The following FRMD4A variants were observed in gnomAD, a reference collection of about 807,000 sequenced individuals.
The protein encoded by FRMD4A is FERM domain-containing protein 4A.
In FRMD4A, 29 loss-of-function variants were observed where a neutral mutation model predicts 129.1. The observed-to-expected ratio is 0.22, with a 90% CI of 0.17 to 0.31. The LOEUF (loss-of-function observed/expected upper bound fraction) is 0.31, where lower values mean the gene tolerates loss of function less well. Among genes scored for constraint, FRMD4A ranks in the 10% least tolerant of loss-of-function variants. The pLI, the probability that FRMD4A is intolerant of heterozygous loss-of-function variation, is 1.00. For synonymous variants in FRMD4A, 634 were observed against 571.6 expected, an observed-to-expected ratio of 1.11 and a Z score of -1.56; for missense variants, 1,272 against 1,375.8, an observed-to-expected ratio of 0.92 and a Z score of 1.19.
chr10:14,032,588 T>C (rs985812511), intron 2 of FRMD4A, among the ~76,000 whole-genome samples: 12 of 152,208 alleles, frequency 7.9e-5, no homozygotes, highest in African/African-American at 2.9e-4. Context: ...GCCTGGGAAC[T>C]ACGTTGCCAC....
intron 2 of FRMD4A, among the ~76,000 whole-genome samples, chr10:14,118,703 A>G (rs1464225308): frequency 6.6e-6 from 1 of 152,144 alleles, no homozygotes; most frequent in African/African-American, 2.4e-5. Context: ...TGTGCAGGGG[A>G]ACTCCCATTT....
At chr10:13,659,867 C>A (rs79288462) in intron 20 of FRMD4A, among the ~76,000 whole-genome samples, 20 of 151,272 alleles carry the variant, frequency 1.3e-4, no homozygotes, top group South Asian at 2.1e-4. Flanking sequence ...CCTTCCCCCC[C>A]AAAAAAAACC....
intron 2 of FRMD4A, among the ~76,000 whole-genome samples, chr10:14,138,987 G>C (rs1179531456): frequency 2.6e-5 from 4 of 152,126 alleles, no homozygotes; most frequent in Non-Finnish European, 4.4e-5. Context: ...GGGACCTCTG[G>C]ACCTCCAAGT....
chr10:14,288,818 CTCTGTT>C (rs1845763160), intron 2 of FRMD4A, among the ~76,000 whole-genome samples: 1 of 152,146 alleles, frequency 6.6e-6, no homozygotes, highest in Non-Finnish European at 1.5e-5. Flanking sequence ...ACCTTCTACT[CTCTGTT>C]TCTATGAGTT....
chr10:13,702,824 C>G (rs1023212183), intron 13 of FRMD4A, among the ~76,000 whole-genome samples: 2 of 151,350 alleles, frequency 1.3e-5, no homozygotes, highest in African/African-American at 4.9e-5. Flanking sequence ...CTTGTTCACC[C>G]TCACTTTTAA....
At chr10:13,680,528 C>T (rs556126717) in intron 15 of FRMD4A, among the ~76,000 whole-genome samples, 3 of 152,026 alleles carry the variant, frequency 2.0e-5, no homozygotes, top group Non-Finnish European at 2.9e-5. Context: ...ATTTTGAGAC[C>T]AGCCTGGCCA....
intron 15 of FRMD4A, chr10:13,684,659 G>A (rs2084915075): frequency 1.0e-6 from 1 of 985,258 alleles, no homozygotes; most frequent in African/African-American, 1.7e-5. Flanking sequence ...ATTCTGCCAG[G>A]AGGACGTTGT....
chr10:13,954,920 T>G (rs2095399854), intron 2 of FRMD4A, among the ~76,000 whole-genome samples: 1 of 152,156 alleles, frequency 6.6e-6, no homozygotes, highest in Non-Finnish European at 1.5e-5. Flanking sequence ...TATCGGCACA[T>G]TATCTTTAAA....
chr10:13,648,110 C>G (rs1168315746), intron 24 of FRMD4A: 3 of 152,228 alleles, frequency 2.0e-5, no homozygotes, highest in African/African-American at 7.2e-5. Flanking sequence ...GTAAATGTTT[C>G]TCATCTGGCC....
intron 2 of FRMD4A, among the ~76,000 whole-genome samples, chr10:13,864,676 T>C (rs2094341695): frequency 6.6e-6 from 1 of 150,898 alleles, no homozygotes; most frequent in African/African-American, 2.4e-5. Flanking sequence ...CCTGAGTTCA[T>C]GCGATTCTCC....
chr10:13,958,530 G>A (rs1433943668), intron 2 of FRMD4A, among the ~76,000 whole-genome samples: 8 of 151,574 alleles, frequency 5.3e-5, no homozygotes, highest in African/African-American at 1.7e-4. Flanking sequence ...TGATCCGCCC[G>A]CCTCGGCCTC....
intron 3 of FRMD4A, among the ~76,000 whole-genome samples, chr10:13,837,773 T>A (rs1444595120): frequency 1.3e-5 from 2 of 152,198 alleles, no homozygotes; most frequent in Non-Finnish European, 2.9e-5. Context: ...ATCCCACTCC[T>A]CTTCTGCAAG....
Position 14,125,098 on chromosome 10 carries a change from C to T in FRMD4A, c.45+204960G>A, listed in dbSNP as rs182907482. ...GTTAATGAAGCAACTCAGCTATCAC[C>T]GGAATGCAGCAGAAGTAATCAAGTC... On this transcript the variant is annotated intron_variant, in intron 2 of 24. Transcript: ENST00000357447. Among the ~76,000 whole-genome samples the T allele has an allele frequency of 2.0e-4, 30 of 152,222 alleles. No individual in the cohort carries two copies. In the East Asian group the frequency reaches 2.1e-3, roughly 11 times the overall value.
At chr10:13,834,323 A>C (rs2093839544) in intron 3 of FRMD4A, among the ~76,000 whole-genome samples, 1 of 152,014 alleles carries the variant, frequency 6.6e-6, no homozygotes, top group Non-Finnish European at 1.5e-5. Context: ...AAACAAAACA[A>C]AACCAAACCA....
intron 2 of FRMD4A, among the ~76,000 whole-genome samples, chr10:14,073,525 C>A (rs562018226): frequency 3.7e-4 from 57 of 152,196 alleles, no homozygotes; most frequent in Non-Finnish European, 6.8e-4. Context: ...CCTCCCAAAG[C>A]AAAATAACAC....
chr10:13,767,534 C>T (rs534751648), intron 6 of FRMD4A, among the ~76,000 whole-genome samples: 18 of 152,258 alleles, frequency 1.2e-4, no homozygotes, highest in African/African-American at 3.9e-4. Context: ...CCTCCGTGCC[C>T]GGCCAGAGGT....
chr10:13,941,053 G>T (rs2095287992), intron 2 of FRMD4A, among the ~76,000 whole-genome samples: 1 of 152,108 alleles, frequency 6.6e-6, no homozygotes, highest in South Asian at 2.1e-4. Flanking sequence ...GAGAACCATG[G>T]GACTTGAAAG....
chr10:14,135,151 A>G (rs957817110), intron 2 of FRMD4A, among the ~76,000 whole-genome samples: 8 of 152,218 alleles, frequency 5.3e-5, no homozygotes, highest in African/African-American at 1.9e-4. Context: ...CACTTTTTCA[A>G]GTTTTCAGAG....
At chr10:14,281,985 T>A (rs1564438054) in intron 2 of FRMD4A, among the ~76,000 whole-genome samples, 1 of 152,178 alleles carries the variant, frequency 6.6e-6, no homozygotes, top group Non-Finnish European at 1.5e-5. Context: ...GACTCACAGT[T>A]ACACGTGGCG....
Sources: allele counts gnomAD v4.1 joint callset (sites outside exome capture counted in the v4.1 genomes callset), GRCh38; gene constraint gnomAD v4.1.1; transcripts MANE v1.5; gene names NCBI Gene and HGNC (gene_info 2026-07-23, HGNC 2026-07-21).